Variants in GAS2 observed in about 807,000 individuals in gnomAD.
The protein encoded by GAS2 is growth arrest-specific protein 2.
In GAS2, 20 loss-of-function variants were observed where a neutral mutation model predicts 37.5. The observed-to-expected ratio is 0.53, with a 90% CI of 0.37 to 0.77. GAS2 has a LOEUF of 0.77. Ranked by LOEUF, GAS2 falls within the 30% of genes least tolerant of loss-of-function variation. The pLI, the probability that GAS2 is intolerant of heterozygous loss-of-function variation, is 0.00. For synonymous variants in GAS2, 144 were observed against 132.2 expected (o/e 1.09, Z -0.61); for missense variants, 336 against 373.4 (o/e 0.90, Z 0.82).
At chr11:22,627,581 C>A (rs1858680406) in intron 1 of GAS2, among the ~76,000 whole-genome samples, 1 of 152,004 alleles carries the variant, frequency 6.6e-6, no homozygotes, top group Admixed American at 6.6e-5. Context: ...CCAGCCTGGC[C>A]AATATGGCAA....
intron 2 of GAS2, among the ~76,000 whole-genome samples, chr11:22,680,648 C>T (rs1849634994): frequency 6.6e-6 from 1 of 152,086 alleles, no homozygotes; most frequent in African/African-American, 2.4e-5. Context: ...GTTAGCCATT[C>T]TCCAGTCTAC....
At chr11:22,640,550 TAA>T (rs1858896815) in intron 1 of GAS2, among the ~76,000 whole-genome samples, 1 of 152,144 alleles carries the variant, frequency 6.6e-6, no homozygotes, top group African/African-American at 2.4e-5. Context: ...CTCAAGCATA[TAA>T]AGAGAACTTA....
At chr11:22,705,005 G>A (rs28527454) in intron 3 of GAS2, among the ~76,000 whole-genome samples, 2,707 of 152,134 alleles carry the variant, frequency 0.018, 93 homozygotes, top group African/African-American at 0.062. Flanking sequence ...TTCAGAGTAA[G>A]CTTTTTACAT....
intron 3 of GAS2, among the ~76,000 whole-genome samples, chr11:22,706,294 G>A (rs1851113080): frequency 6.6e-6 from 1 of 151,952 alleles, no homozygotes; most frequent in Admixed American, 6.6e-5. Flanking sequence ...CTTATCCTAG[G>A]GTAGTGGCAG....
chr11:22,694,882 A>G (rs1048528263), intron 3 of GAS2, among the ~76,000 whole-genome samples: 2 of 152,182 alleles, frequency 1.3e-5, no homozygotes, highest in African/African-American at 4.8e-5. Context: ...ATTTAGTGGC[A>G]CTCAACATTT....
At chr11:22,674,073 G>C (rs1176624282) in intron 1 of GAS2, among the ~76,000 whole-genome samples, 1 of 152,122 alleles carries the variant, frequency 6.6e-6, no homozygotes, top group Non-Finnish European at 1.5e-5. Flanking sequence ...ATCAATATGG[G>C]TTCTTGGCTA....
At chr11:22,646,877 CTCTTTCTTTCTTTT>C (rs1848701685) in intron 1 of GAS2, among the ~76,000 whole-genome samples, 2 of 150,756 alleles carry the variant, frequency 1.3e-5, no homozygotes, top group African/African-American at 4.9e-5. Flanking sequence ...TGCTTGCTTT[CTCTTTCTTTCTTTT>C]TCTTTCTTTC....
intron 7 of GAS2, among the ~76,000 whole-genome samples, chr11:22,799,123 G>C (rs993473928): frequency 1.3e-5 from 2 of 152,004 alleles, no homozygotes; most frequent in Non-Finnish European, 2.9e-5. Flanking sequence ...AATTTAGGTG[G>C]GTTGTCTCTA....
chr11:22,685,602 A>G (rs1849900913), intron 2 of GAS2, 66 bp from the exon 3 acceptor site: 4 of 1,530,726 alleles, frequency 2.6e-6, no homozygotes, highest in African/African-American at 2.8e-5. Flanking sequence ...ACTGTGTCAA[A>G]TATTTTATTT....
chr11:22,703,975 A>G (rs997828971), intron 3 of GAS2, among the ~76,000 whole-genome samples: 2 of 152,186 alleles, frequency 1.3e-5, no homozygotes, highest in African/African-American at 4.8e-5. Flanking sequence ...GGTAATTTGC[A>G]TATCTTGAAG....
chr11:22,775,495 T>A (rs149968727), intron 7 of GAS2, among the ~76,000 whole-genome samples: 1 of 152,194 alleles, frequency 6.6e-6, no homozygotes, highest in Non-Finnish European at 1.5e-5. Flanking sequence ...CTGCCTGGCA[T>A]GGAGGAATTG....
At chr11:22,650,787 C>A (rs1261524530) in intron 1 of GAS2, among the ~76,000 whole-genome samples, 3 of 152,126 alleles carry the variant, frequency 2.0e-5, no homozygotes, top group Non-Finnish European at 2.9e-5. Flanking sequence ...CTTCCTCCAT[C>A]CTTTTATTTT....
intron 7 of GAS2, among the ~76,000 whole-genome samples, chr11:22,779,065 A>G (rs986298124): frequency 2.0e-5 from 3 of 146,728 alleles, no homozygotes; most frequent in African/African-American, 7.6e-5. Flanking sequence ...TTTTCTCTTC[A>G]GTGTTTTTCT....
upstream of GAS2, among the ~76,000 whole-genome samples, chr11:22,664,326 A>AC (rs961790895): frequency 8.6e-5 from 1 of 11,618 alleles, no homozygotes; most frequent in African/African-American, 9.2e-5. Flanking sequence ...TCTACATAGG[A>AC]GGGAAAAATA....
At chr11:22,733,714 T>C (rs967705795) in intron 4 of GAS2, among the ~76,000 whole-genome samples, 1 of 151,680 alleles carries the variant, frequency 6.6e-6, no homozygotes, top group Admixed American at 6.6e-5. Flanking sequence ...TTGCCACATA[T>C]TTTTGAATGG....
chr11:22,770,751 G>A (rs1208594317), intron 7 of GAS2, among the ~76,000 whole-genome samples: 1 of 152,148 alleles, frequency 6.6e-6, no homozygotes, highest in Non-Finnish European at 1.5e-5. Flanking sequence ...GGATTACTAT[G>A]CAATGAAACT....
At chr11:22,647,511 A>G (rs1490441780) in intron 1 of GAS2, among the ~76,000 whole-genome samples, 1 of 151,958 alleles carries the variant, frequency 6.6e-6, no homozygotes, top group African/African-American at 2.4e-5. Flanking sequence ...GACTTCCACA[A>G]TGGTTGAACT....
chr11:22,700,518 CAA>C (rs1350455300), intron 3 of GAS2, among the ~76,000 whole-genome samples: 3 of 152,062 alleles, frequency 2.0e-5, no homozygotes, highest in African/African-American at 7.2e-5. Flanking sequence ...AAAGCACTGA[CAA>C]GAGATTGGCT....
chr11:22,677,934 A>G (rs1391976), intron 2 of GAS2, among the ~76,000 whole-genome samples: 95,038 of 152,044 alleles, frequency 0.63, 30,904 homozygotes, highest in East Asian at 0.83. Context: ...ACAGACATTA[A>G]TATATATAAA....
Sources: gnomAD v4.1 joint callset for allele counts (sites outside exome capture counted in the v4.1 genomes callset) on GRCh38, gnomAD v4.1.1 for gene constraint, MANE v1.5 for transcripts, NCBI Gene and HGNC (gene_info 2026-07-23, HGNC 2026-07-21) for gene names.